Variants in AKR1C2 observed in about 807,000 individuals in gnomAD.
The protein encoded by AKR1C2 is aldo-keto reductase family 1 member C2.
AKR1C2 carries 27 observed loss-of-function variants against 39.8 expected under a neutral mutation model. That is an observed-to-expected ratio of 0.68 (90% CI 0.50 to 0.93). AKR1C2 has a LOEUF of 0.93. AKR1C2 is among the 40% of genes least tolerant of loss of function. The probability of loss-of-function intolerance (pLI) is 0.00; values close to 1 mark genes in which losing one functional copy is unlikely to be tolerated. For synonymous variants in AKR1C2, 114 were observed against 137.9 expected (o/e 0.83, Z 1.22); for missense variants, 263 against 365.1 (o/e 0.72, Z 2.28).
chr10:5,004,717 A>G (rs1201653752), upstream of AKR1C2: 10 of 149,230 alleles, frequency 6.7e-5, no homozygotes, highest in South Asian at 1.1e-3. Context: ...TAATCCTCAC[A>G]TGGGATAATT....
At chr10:4,991,091 T>G (rs1456049910) in intron 8 of AKR1C2, among the ~76,000 whole-genome samples, 2 of 151,190 alleles carry the variant, frequency 1.3e-5, no homozygotes, top group African/African-American at 4.9e-5. Flanking sequence ...CCTTAGAATA[T>G]AGAGGAATAG....
At position 4,989,943 on chromosome 10, in the gene AKR1C2, G is replaced by A. The variant is rs1554771932; in HGVS notation, c.*53C>T. 1.4e-6 allele frequency: 2 copies of A among 1,469,754 alleles called. No individual in the cohort carries two copies. Among genetic ancestry groups the A allele is most frequent in the Non-Finnish European group, 9.5e-7 (1 of 1,055,102 alleles). The allele number at this position is 1,469,754 out of a possible 1,614,324, so 91.0% of individuals were successfully genotyped here. ...TCACCAGCATAGAGCCATCCTCTGTGTCACCATCCACACGCAGGGCCTTCT... is the reference window on the plus strand; with the variant it reads ...TCACCAGCATAGAGCCATCCTCTGTATCACCATCCACACGCAGGGCCTTCT... On this transcript the variant is annotated 3_prime_UTR_variant, in exon 9 of 9. Transcript: ENST00000380753.
rs1220926530 is a variant in AKR1C2, at chr10:4,989,803, A to G, written c.*193T>C. ...GAAGAATCTTTAGGAGAGAGCATTTAATTTTTTCAAAATGAAAAACAAAAT... is the reference window on the plus strand; with the variant it reads ...GAAGAATCTTTAGGAGAGAGCATTTGATTTTTTCAAAATGAAAAACAAAAT... On this transcript the variant is annotated 3_prime_UTR_variant, in exon 9 of 9. Transcript: ENST00000380753. 1 of 783,200 alleles carries G rather than the reference A, an allele frequency of 1.3e-6. No individual in the cohort carries two copies. The highest frequency in any genetic ancestry group is 2.0e-6 in the Non-Finnish European group (1 of 493,168). The allele number at this position is 783,200 out of a possible 1,614,324, so 48.5% of individuals were successfully genotyped here.
intron 1 of AKR1C2, among the ~76,000 whole-genome samples, chr10:5,011,841 T>A (rs557552645): frequency 2.4e-4 from 36 of 152,282 alleles, no homozygotes; most frequent in African/African-American, 7.7e-4. Context: ...AATCGAAGCG[T>A]AAGAGGCTTC....
At chr10:5,004,343 T>A (rs573811350), upstream of AKR1C2, among the ~76,000 whole-genome samples, 4 of 152,364 alleles carry the variant, frequency 2.6e-5, no homozygotes, top group East Asian at 7.7e-4. Flanking sequence ...AAAGTTAAAA[T>A]TTTTAAATGC....
chr10:4,997,981 G>A (rs1307856573), intron 5 of AKR1C2, among the ~76,000 whole-genome samples: 2 of 152,158 alleles, frequency 1.3e-5, no homozygotes, highest in Admixed American at 6.5e-5. Flanking sequence ...ACTAGGAGCG[G>A]GGCAGTCATA....
chr10:5,005,484 C>T (rs1415055345), upstream of AKR1C2, among the ~76,000 whole-genome samples: 2 of 151,392 alleles, frequency 1.3e-5, no homozygotes, highest in Non-Finnish European at 2.9e-5. Flanking sequence ...AGATGGAAAC[C>T]ATCCTGGCCA....
chr10:4,989,793 G>T lies in AKR1C2; in HGVS notation c.*203C>A. On this transcript the variant is annotated 3_prime_UTR_variant, in exon 9 of 9. Coordinates refer to ENST00000380753, the MANE Select transcript of AKR1C2 (RefSeq NM_001393392.1). ...CAAAGTAGGTGAAGAATCTTTAGGA[G>T]AGAGCATTTAATTTTTTCAAAATGA... 1.4e-6 allele frequency: 1 copy of T among 707,840 alleles called. No homozygotes were observed. The highest frequency in any genetic ancestry group is 2.3e-6 in the Non-Finnish European group (1 of 428,542). The allele number at this position is 707,840 out of a possible 1,614,324, so 43.8% of individuals were successfully genotyped here.
intron 7 of AKR1C2, among the ~76,000 whole-genome samples, chr10:4,994,143 A>C (rs1224328065): frequency 1.3e-5 from 2 of 151,714 alleles, no homozygotes; most frequent in Non-Finnish European, 2.9e-5. Context: ...GTTTTATAAT[A>C]TATATCATAC....
chr10:5,011,457 C>T (rs1837521137), intron 1 of AKR1C2, among the ~76,000 whole-genome samples: 1 of 152,164 alleles, frequency 6.6e-6, no homozygotes, highest in African/African-American at 2.4e-5. Context: ...ATAAATAAAA[C>T]ATAGTAATAC....
chr10:5,001,799 G>T, intron 1 of AKR1C2, 118 bp from the exon 2 acceptor site: 2 of 1,348,052 alleles, frequency 1.5e-6, no homozygotes, highest in Non-Finnish European at 2.1e-6. Context: ...AGCTCTGTAT[G>T]TAGAATCATA....
rs1837328403 is a variant in AKR1C2, at chr10:5,003,346, A to T, written c.84+406T>A. ...CTCAAGGCCGCCCATCAGAACAGTG[A>T]TACTCTCCCAACAGATTTCATCCAC... On this transcript the variant is annotated intron_variant, in intron 1 of 8. Coordinates refer to ENST00000380753, the MANE Select transcript of AKR1C2 (RefSeq NM_001393392.1). 2.0e-5 allele frequency among the ~76,000 whole-genome samples: 3 copies of T among 151,302 alleles called. No individual in the cohort carries two copies. In the South Asian group the frequency reaches 6.4e-4, roughly 32 times the overall value.
chr10:4,997,822 T>A (rs1298400595), intron 5 of AKR1C2, among the ~76,000 whole-genome samples: 1 of 152,166 alleles, frequency 6.6e-6, no homozygotes, highest in Non-Finnish European at 1.5e-5. Context: ...TGTGTAACAT[T>A]TGGGGGCAGT....
rs565169026 is a variant in AKR1C2, at chr10:4,996,122, C to T, written c.571-257G>A. 1.1e-4 allele frequency: 61 copies of T among 535,288 alleles called. No individual in the cohort carries two copies. In the South Asian group the frequency reaches 1.4e-3, roughly 12 times the overall value. 33.2% of individuals were successfully genotyped at this position (535,288 alleles called of 1,614,324 possible). A position where few individuals can be genotyped will look rare whatever the true frequency, so the allele number is the denominator to read the frequency against. ...TAACTCCGACCACTAGAAGGAGACA[C>T]GGCCAATTTCAGAGCTGGGATGAGG... is the stretch of plus-strand genomic sequence containing the variant. On this transcript the variant is annotated intron_variant, in intron 5 of 8. Coordinates refer to ENST00000380753, the MANE Select transcript of AKR1C2 (RefSeq NM_001393392.1).
rs1399805003 is a variant in AKR1C2 at position 4,988,559 on chromosome 10, C to T, written c.*1437G>A. 2 of 152,168 alleles carry T rather than the reference C, an allele frequency of 1.3e-5. No homozygotes were observed. Among genetic ancestry groups the T allele is most frequent in the African/African-American group, 4.8e-5 (2 of 41,438 alleles). The allele number at this position is 152,168 out of a possible 1,614,324, so 9.4% of individuals were successfully genotyped here. The stretch of plus-strand genomic sequence containing the variant: ...GCCCTCCAAAGTTTATGGCCTCTTC[C>T]AATTTTATAGAATAAGTAATTTACA... On this transcript the variant is annotated 3_prime_UTR_variant, in exon 9 of 9. Transcript: ENST00000380753.
At chr10:5,011,879 G>A (rs1361041143) in intron 1 of AKR1C2, among the ~76,000 whole-genome samples, 1 of 152,158 alleles carries the variant, frequency 6.6e-6, no homozygotes, top group Non-Finnish European at 1.5e-5. Flanking sequence ...TAAAGTTAAA[G>A]GTTCATAGAG....
upstream of AKR1C2, chr10:5,005,926 G>A (rs1348959335): frequency 6.6e-6 from 1 of 152,026 alleles, no homozygotes; most frequent in Admixed American, 6.6e-5. Flanking sequence ...AAAAGAAAAG[G>A]AAACAAATTG....
Position 4,998,754 on chromosome 10 carries a change from A to G in AKR1C2, c.448-7T>C, listed in dbSNP as rs1337617528. 4.3e-6 allele frequency: 7 copies of G among 1,613,954 alleles called. No individual in the cohort carries two copies. Among genetic ancestry groups the G allele is most frequent in the Non-Finnish European group, 5.9e-6 (7 of 1,179,974 alleles). On this transcript the variant is annotated splice_region_variant and splice_polypyrimidine_tract_variant and intron_variant, in intron 4 of 8. Transcript: ENST00000380753. Reference sequence around the variant, plus strand: ...CTTTACACTTCTCCATGGCCTGGGAAAAAGGAATTGTGAGGTATCATTTGT... The same window carrying G: ...CTTTACACTTCTCCATGGCCTGGGAGAAAGGAATTGTGAGGTATCATTTGT...
Position 4,995,443 on chromosome 10 carries a change from A to C in AKR1C2, c.722T>G (p.Leu241Arg). 1 of 1,572,630 alleles carries C rather than the reference A, an allele frequency of 6.4e-7. No individual in the cohort carries two copies. Among genetic ancestry groups the C allele is most frequent in the Non-Finnish European group, 8.6e-7 (1 of 1,159,654 alleles). Residue 241 changes from leucine (L) to arginine (R), a missense_variant, in exon 7 of 9, where the codon CTT becomes CGT. Leu to Arg is a moderately radical substitution (Grantham distance 102). Transcript: ENST00000380753. The part of the protein sequence containing the change: ...NSPVLLEDPV[L>R]CALAKKHKRT... ...CTTGTGCTTTTTTGCCAAGGCACAA[A>C]GGACTGGGTCCTCCAAGAGCACCGG... is the stretch of plus-strand genomic sequence containing the variant.
Sources: gnomAD v4.1 joint callset for allele counts (sites outside exome capture counted in the v4.1 genomes callset) on GRCh38, gnomAD v4.1.1 for gene constraint, MANE v1.5 for transcripts, NCBI Gene and HGNC (gene_info 2026-07-23, HGNC 2026-07-21) for gene names.